The following ISY1 variants were observed in gnomAD, a reference collection of about 807,000 sequenced individuals.
The protein encoded by ISY1 is ISY1 spliceosome associated protein, also known as pre-mRNA-splicing factor ISY1 homolog.
A neutral mutation model predicts 54.4 loss-of-function variants in ISY1; 12 were observed. The observed-to-expected ratio is 0.22, with a 90% CI of 0.14 to 0.36. ISY1 has a LOEUF of 0.36. Among genes scored for constraint, ISY1 ranks in the 10% least tolerant of loss-of-function variants. The pLI, the probability that ISY1 is intolerant of heterozygous loss-of-function variation, is 1.00. For synonymous variants in ISY1, 96 were observed against 117.9 expected, an observed-to-expected ratio of 0.81 and a Z score of 1.20; for missense variants, 282 against 342.2, an observed-to-expected ratio of 0.82 and a Z score of 1.39.
intron 9 of ISY1, among the ~76,000 whole-genome samples, chr3:129,133,332 CAA>C (rs1457956342): frequency 1.3e-5 from 2 of 152,090 alleles, no homozygotes; most frequent in African/African-American, 2.4e-5. Context: ...TGAAAATATG[CAA>C]AGATTCCCCA....
intron 9 of ISY1, among the ~76,000 whole-genome samples, chr3:129,132,604 G>A (rs546963866): frequency 6.6e-6 from 1 of 152,302 alleles, no homozygotes; most frequent in South Asian, 2.1e-4. Context: ...CAGAGTGTCT[G>A]CAGGCTGTCC....
Position 129,158,600 on chromosome 3 carries a change from G to A in ISY1, c.27-41C>T, listed in dbSNP as rs754951560. 1.9e-6 allele frequency: 3 copies of A among 1,613,224 alleles called. No homozygotes were observed. The South Asian group carries it at 3.3e-5, about 18-fold the overall frequency. Reference sequence around the variant, plus strand: ...AAGATAAAAGACTCCATTAGATCCTGCTCATACAGACTTCTCATTACCCAT... The same window carrying A: ...AAGATAAAAGACTCCATTAGATCCTACTCATACAGACTTCTCATTACCCAT... On this transcript the variant is annotated intron_variant, in intron 2 of 10. Transcript: ENST00000393295.
chr3:129,130,055 A>T lies in ISY1; in HGVS notation c.*26T>A. 6.5e-7 allele frequency: 1 copy of T among 1,539,424 alleles called. No homozygotes were observed. The highest frequency in any genetic ancestry group is 8.7e-7 in the Non-Finnish European group (1 of 1,146,014). On this transcript the variant is annotated 3_prime_UTR_variant, in exon 11 of 11. Coordinates refer to ENST00000393295, the MANE Select transcript of ISY1 (RefSeq NM_020701.4). Reference sequence around the variant, plus strand: ...TGAGGTACCACTGGGGGATGGAAGAACTCCAAGGAGAGCCCCAGCTGGGTC... The same window carrying T: ...TGAGGTACCACTGGGGGATGGAAGATCTCCAAGGAGAGCCCCAGCTGGGTC...
At chr3:129,158,401 C>T in intron 3 of ISY1, 107 bp downstream of exon 3, 7 of 1,489,906 alleles carry the variant, frequency 4.7e-6, no homozygotes, top group East Asian at 2.3e-5. Context: ...TCAAGTGATC[C>T]ACCCACCTCA....
intron 3 of ISY1, 45 bp downstream of exon 3, chr3:129,158,463 T>G: frequency 1.2e-6 from 2 of 1,610,616 alleles, no homozygotes. Context: ...CCAGCCTGCA[T>G]TTATTCTTGA....
At chr3:129,158,378 C>G in intron 3 of ISY1, 130 bp downstream of exon 3, 1 of 1,310,242 alleles carries the variant, frequency 7.6e-7, no homozygotes, top group South Asian at 1.2e-5. Flanking sequence ...AGACTGGTCT[C>G]AAACTCCTAG....
Position 129,130,137 on chromosome 3 carries a change from C to A in ISY1, c.802G>T (p.Ala268Ser). Residue 268 changes from alanine (A) to serine (S), a missense_variant, in exon 11 of 11, where the codon GCA becomes TCA. Ala to Ser is a moderately conservative substitution (Grantham distance 99). Coordinates refer to ENST00000393295, the MANE Select transcript of ISY1 (RefSeq NM_020701.4). ...CTTTGGGCCTGCAGGGTCTCGCTTG[C>A]ATACTTCTGGAGGAGTTCCATTTTC... ...RKKMELLQKY[A>S]SETLQAQSEE... 2 of 1,612,634 alleles carry A rather than the reference C, an allele frequency of 1.2e-6. No individual in the cohort carries two copies. The highest frequency in any genetic ancestry group is 1.7e-6 in the Non-Finnish European group (2 of 1,179,508).
In ISY1 at chr3:129,150,954, G is replaced by C. The variant is rs543182106; in HGVS notation, c.188-5081C>G. ...AGCCTAGCCAACATGGTGAAACTCT[G>C]TCTCTACTAAAAATACAAAAATCAG... is the stretch of plus-strand genomic sequence containing the variant. On this transcript the variant is annotated intron_variant, in intron 5 of 10. Transcript: ENST00000393295. 1.1e-4 allele frequency among the ~76,000 whole-genome samples: 17 copies of C among 150,584 alleles called. No individual in the cohort carries two copies. The South Asian group carries it at 3.6e-3, about 32-fold the overall frequency.
At chr3:129,134,288 T>A in intron 8 of ISY1, 93 bp from the exon 9 acceptor site, 1 of 1,579,454 alleles carries the variant, frequency 6.3e-7, no homozygotes, top group Non-Finnish European at 8.6e-7. Flanking sequence ...AGGGAAAGTC[T>A]AGACATCCCC....
Position 129,127,983 on chromosome 3 carries a change from A to T in ISY1, c.*2098T>A, listed in dbSNP as rs1936134343. ...CAACCAGGCCTGTCTGAGGCCGGCC[A>T]TCCGCACGCTCCCAAGAGGCTCAGA... On this transcript the variant is annotated 3_prime_UTR_variant, in exon 11 of 11. Transcript: ENST00000393295. 6.6e-6 allele frequency: 1 copy of T among 152,416 alleles called. No homozygotes were observed. The highest frequency in any genetic ancestry group is 1.5e-5 in the Non-Finnish European group (1 of 68,192). The allele number at this position is 152,416 out of a possible 1,614,324, so 9.4% of individuals were successfully genotyped here. A position where few individuals can be genotyped will look rare whatever the true frequency, so the allele number is the denominator to read the frequency against.
At chr3:129,138,014 C>T (rs1438126293) in intron 7 of ISY1, among the ~76,000 whole-genome samples, 2 of 146,734 alleles carry the variant, frequency 1.4e-5, no homozygotes, top group East Asian at 2.1e-4. Context: ...CAGTGGCTCA[C>T]GCCTGTAATC....
intron 6 of ISY1, among the ~76,000 whole-genome samples, chr3:129,144,677 ATTGT>A (rs979858094): frequency 6.6e-6 from 1 of 151,962 alleles, no homozygotes; most frequent in Admixed American, 6.6e-5. Context: ...TACCATACTT[ATTGT>A]TTTTTTCAGC....
At position 129,130,615 on chromosome 3, in the gene ISY1, C is replaced by G. The variant is rs1179817513; in HGVS notation, c.685G>C (p.Glu229Gln). 6.8e-6 allele frequency: 11 copies of G among 1,614,184 alleles called. No homozygotes were observed. The highest frequency in any genetic ancestry group is 9.3e-6 in the Non-Finnish European group (11 of 1,180,018). ...EEESDEEGSQEKGGDDSQQKF... is the reference protein window; with the variant it reads ...EEESDEEGSQQKGGDDSQQKF... ...TGCTGGCTGTCGTCCCCTCCTTTCTCCTGGCTGCCTTCCTCGTCCGACTAC... is the reference window on the plus strand; with the variant it reads ...TGCTGGCTGTCGTCCCCTCCTTTCTGCTGGCTGCCTTCCTCGTCCGACTAC... The change falls in exon 10 of 11, where the codon GAG becomes CAG. Residue 229 changes from glutamate to glutamine, a missense_variant. Glu to Gln is a conservative substitution (Grantham distance 29). Coordinates refer to ENST00000393295, the MANE Select transcript of ISY1 (RefSeq NM_020701.4).
intron 3 of ISY1, among the ~76,000 whole-genome samples, chr3:129,157,640 G>C (rs754435438): frequency 4.9e-5 from 7 of 142,732 alleles, no homozygotes; most frequent in Non-Finnish European, 9.0e-5. Flanking sequence ...GGAATTGCTT[G>C]AACCAGGGAG....
At chr3:129,152,850 G>C (rs569863895) in intron 5 of ISY1, among the ~76,000 whole-genome samples, 1 of 152,250 alleles carries the variant, frequency 6.6e-6, no homozygotes, top group Non-Finnish European at 1.5e-5. Flanking sequence ...CACAAAATGA[G>C]TTACAAAGTG....
chr3:129,146,977 T>C (rs1936779959), intron 5 of ISY1, among the ~76,000 whole-genome samples: 1 of 151,776 alleles, frequency 6.6e-6, no homozygotes, highest in South Asian at 2.1e-4. Context: ...GAGAATCGCT[T>C]GAGCCCAGGA....
intron 6 of ISY1, chr3:129,144,292 GA>G: frequency 3.4e-6 from 1 of 295,632 alleles, no homozygotes; most frequent in South Asian, 3.0e-5. Flanking sequence ...ACACCCAAGA[GA>G]AGTCTCCTAG....
chr3:129,137,634 C>T (rs1936456077), intron 7 of ISY1, among the ~76,000 whole-genome samples: 1 of 151,888 alleles, frequency 6.6e-6, no homozygotes, highest in Admixed American at 6.6e-5. Flanking sequence ...CGTTTGAGAC[C>T]GGCCGGGAGC....
In ISY1 at chr3:129,158,579, T is replaced by C; in HGVS notation, c.27-20A>G. On this transcript the variant is annotated intron_variant, in intron 2 of 10. Transcript: ENST00000393295. Reference sequence around the variant, plus strand: ...GCCGTCCTACCAGCGATATAAAAGATAAAAGACTCCATTAGATCCTGCTCA... The same window carrying C: ...GCCGTCCTACCAGCGATATAAAAGACAAAAGACTCCATTAGATCCTGCTCA... The C allele has an allele frequency of 6.2e-7, 1 of 1,613,902 alleles. No homozygotes were observed. The highest frequency in any genetic ancestry group is 8.5e-7 in the Non-Finnish European group (1 of 1,179,946).
Sources: gnomAD v4.1 joint callset for allele counts (sites outside exome capture counted in the v4.1 genomes callset) on GRCh38, gnomAD v4.1.1 for gene constraint, MANE v1.5 for transcripts, NCBI Gene and HGNC (gene_info 2026-07-23, HGNC 2026-07-21) for gene names.